FOXR2: variants seen among roughly 807,000 people sequenced by gnomAD.
FOXR2 encodes forkhead box R2, also known as forkhead box protein R2.
For missense variants in FOXR2, 234 were observed against 227.1 expected (o/e 1.03, Z -0.20); for synonymous variants, 109 against 84.1 (o/e 1.30, Z -1.62).
At position 55,624,133 on chromosome X, in the gene FOXR2, T is replaced by C; in HGVS notation, c.422T>C (p.Leu141Ser). 8.3e-7 allele frequency: 1 copy of C among 1,211,771 alleles called. No homozygotes were observed. The highest frequency in any genetic ancestry group is 1.8e-5 in the South Asian group (1 of 56,983). Residue 141 changes from leucine (L) to serine (S), a missense_variant, in exon 1 of 1, where the codon TTA becomes TCA. By Grantham distance (145) the Leu-to-Ser change is moderately radical. Coordinates refer to ENST00000339140, the MANE Select transcript of FOXR2 (RefSeq NM_198451.4). ...LPSSSSEQSPLQKQGIHSPSD... is the reference protein window; with the variant it reads ...LPSSSSEQSPSQKQGIHSPSD... ...TCTTCCTCCAGTGAGCAGTCTCCTT[T>C]ACAGAAGCAGGGTATCCATTCCCCC...
rs1310844508 is a variant in FOXR2, at chrX:55,624,182, G to A, written c.471G>A (p.Glu157=). The A allele has an allele frequency of 1.7e-6, 2 of 1,211,779 alleles. No individual in the cohort carries two copies. The highest frequency in any genetic ancestry group is 3.5e-5 in the South Asian group (2 of 56,960). Residue 157 remains glutamate (E), a synonymous_variant, in exon 1 of 1, where the codon GAG becomes GAA. Coordinates refer to ENST00000339140, the MANE Select transcript of FOXR2 (RefSeq NM_198451.4). The stretch of plus-strand genomic sequence containing the variant: ...CCAGTGACTTTGAGCTCACAGAAGA[G>A]GAGGCTGAGGAACCAGACGACAACT... ...HSPSDFELTE[E]EAEEPDDNSL...
rs1190092584 is a variant in FOXR2 at position 55,624,621 on chromosome X, T to A, written c.910T>A (p.Leu304Met). The A allele has an allele frequency of 5.8e-6, 7 of 1,203,801 alleles. No individual in the cohort carries two copies. The highest frequency in any genetic ancestry group is 5.9e-5 in the East Asian group (2 of 33,634). Residue 304 changes from leucine to methionine, a missense_variant, in exon 1 of 1, where the codon TTG (leucine) becomes ATG (methionine). Physicochemically the swap from Leu to Met is conservative, Grantham distance 15. Transcript: ENST00000339140. ...CCAAGAGTGCATGAGTCAGCCAGAG[T>A]TGTTGACCTCTCTCTTTGATCTTTG... The part of the protein sequence containing the change: ...RIQECMSQPE[L>M]LTSLFDL
In FOXR2 at chrX:55,624,726, T is replaced by G. The variant is rs916893396; in HGVS notation, c.*79T>G. ...CCTGACATTCATTAATCTCTAAACT[T>G]ACCCAGCCTGGTTGGTGCCAAGTCT... On this transcript the variant is annotated 3_prime_UTR_variant, in exon 1 of 1. Coordinates refer to ENST00000339140, the MANE Select transcript of FOXR2 (RefSeq NM_198451.4). 10 of 798,812 alleles carry G rather than the reference T, an allele frequency of 1.3e-5. No homozygotes were observed. In the East Asian group the frequency reaches 3.3e-4, roughly 26 times the overall value. The allele number at this position is 798,812 out of a possible 1,213,427, so 65.8% of individuals were successfully genotyped here. A position where few individuals can be genotyped will look rare whatever the true frequency, so the allele number is the denominator to read the frequency against.
At position 55,623,636 on chromosome X, in the gene FOXR2, C is replaced by A; in HGVS notation, c.-76C>A. 1.3e-6 allele frequency: 1 copy of A among 770,600 alleles called. No individual in the cohort carries two copies. Among genetic ancestry groups the A allele is most frequent in the Non-Finnish European group, 1.9e-6 (1 of 524,392 alleles). 63.5% of individuals were successfully genotyped at this position (770,600 alleles called of 1,213,427 possible). On this transcript the variant is annotated 5_prime_UTR_variant, in exon 1 of 1. Coordinates refer to ENST00000339140, the MANE Select transcript of FOXR2 (RefSeq NM_198451.4). ...AGATACACTGCATAAAAAAATGATGCCCAAAGGACAGCTTTAAGTGCCTGC... is the reference window on the plus strand; with the variant it reads ...AGATACACTGCATAAAAAAATGATGACCAAAGGACAGCTTTAAGTGCCTGC...
In FOXR2 at chrX:55,625,700, T is replaced by C. The variant is rs138893623; in HGVS notation, c.*1053T>C. ...TATTAGGTGTTTGGACTTCATCTTGTGGGTTTTTAGGAGCCAAGAGACATC... is the reference window on the plus strand; with the variant it reads ...TATTAGGTGTTTGGACTTCATCTTGCGGGTTTTTAGGAGCCAAGAGACATC... On this transcript the variant is annotated 3_prime_UTR_variant, in exon 1 of 1. Coordinates refer to ENST00000339140, the MANE Select transcript of FOXR2 (RefSeq NM_198451.4). Among the ~76,000 whole-genome samples the C allele has an allele frequency of 9.0e-6, 1 of 111,142 alleles. No individual in the cohort carries two copies. The highest frequency in any genetic ancestry group is 2.8e-4 in the East Asian group (1 of 3,537).
rs1415962957 is a variant in FOXR2, at chrX:55,625,682, T to C, written c.*1035T>C. On this transcript the variant is annotated 3_prime_UTR_variant, in exon 1 of 1. Transcript: ENST00000339140. ...GAGTGACTAAGAGAAAACTATTAGG[T>C]GTTTGGACTTCATCTTGTGGGTTTT... Among the ~76,000 whole-genome samples, 3 of 111,059 alleles carry C rather than the reference T, an allele frequency of 2.7e-5. No individual in the cohort carries two copies. In the Admixed American group the frequency reaches 2.9e-4, roughly 11 times the overall value.
Position 55,623,889 on chromosome X carries a change from C to T in FOXR2, c.178C>T (p.Pro60Ser). ...CGGAGTAATGAAGCCCCCAGAAATG[C>T]CTCAGAAGAGGAGACCCAGTCCTGA... The part of the protein sequence containing the change: ...RVGVMKPPEM[P>S]QKRRPSPDGD... The change falls in exon 1 of 1, where the codon CCT becomes TCT. Residue 60 changes from proline to serine, a missense_variant. Coordinates refer to ENST00000339140, the MANE Select transcript of FOXR2 (RefSeq NM_198451.4). The T allele has an allele frequency of 8.3e-7, 1 of 1,211,500 alleles. No individual in the cohort carries two copies. The highest frequency in any genetic ancestry group is 1.1e-6 in the Non-Finnish European group (1 of 895,410).
In FOXR2 at chrX:55,624,047, G is replaced by A; in HGVS notation, c.336G>A (p.Gln112=). 8.3e-7 allele frequency: 1 copy of A among 1,211,464 alleles called. No homozygotes were observed. The highest frequency in any genetic ancestry group is 1.1e-6 in the Non-Finnish European group (1 of 895,379). The part of the protein sequence containing the change: ...EDLTNISPFP[Q]PPQKDEGSNC... ...TGACAAACATTTCTCCTTTCCCTCA[G>A]CCCCCACAAAAAGACGAAGGGTCTA... Residue 112 remains glutamine, a synonymous_variant, in exon 1 of 1, where the codon CAG becomes CAA. Coordinates refer to ENST00000339140, the MANE Select transcript of FOXR2 (RefSeq NM_198451.4).
Position 55,624,698 on chromosome X carries a change from T to G in FOXR2, c.*51T>G, listed in dbSNP as rs1278231494. 1 of 950,797 alleles carries G rather than the reference T, an allele frequency of 1.1e-6. No individual in the cohort carries two copies. Among genetic ancestry groups the G allele is most frequent in the East Asian group, 3.1e-5 (1 of 32,231 alleles). 78.4% of individuals were successfully genotyped at this position (950,797 alleles called of 1,213,427 possible). A position where few individuals can be genotyped will look rare whatever the true frequency, so the allele number is the denominator to read the frequency against. On this transcript the variant is annotated 3_prime_UTR_variant, in exon 1 of 1. Coordinates refer to ENST00000339140, the MANE Select transcript of FOXR2 (RefSeq NM_198451.4). ...CTGCCTTCCTTACTGTGCCTACTTA[T>G]CCCCTGACATTCATTAATCTCTAAA...
Position 55,625,908 on chromosome X carries a change from A to G in FOXR2, c.*1261A>G, listed in dbSNP as rs1248132472. 8.9e-6 allele frequency among the ~76,000 whole-genome samples: 1 copy of G among 111,820 alleles called. No individual in the cohort carries two copies. Among genetic ancestry groups the G allele is most frequent in the Non-Finnish European group, 1.9e-5 (1 of 53,172 alleles). ...TATTAACATATATCCAGGAGAAAAT[A>G]GATTTTTAGGTATAAATTTAGTTGC... On this transcript the variant is annotated 3_prime_UTR_variant, in exon 1 of 1. Coordinates refer to ENST00000339140, the MANE Select transcript of FOXR2 (RefSeq NM_198451.4).
chrX:55,624,493 A>T lies in FOXR2; in HGVS notation c.782A>T (p.Asp261Val), dbSNP rs747120288. The T allele has an allele frequency of 5.8e-6, 7 of 1,210,548 alleles. No homozygotes were observed. The Admixed American group carries it at 1.5e-4, about 26-fold the overall frequency. ...GTGCCAGACAGCCTTAAGGATGAAG[A>T]TAATGCAAGACCTCGCTCTTGCCTT... Reference protein sequence around the residue: ...EKVPDSLKDEDNARPRSCLWK... With the variant: ...EKVPDSLKDEVNARPRSCLWK... Residue 261 changes from aspartate to valine, a missense_variant, in exon 1 of 1, where the codon GAT (aspartate) becomes GTT (valine). Coordinates refer to ENST00000339140, the MANE Select transcript of FOXR2 (RefSeq NM_198451.4).
Position 55,624,305 on chromosome X carries a change from C to T in FOXR2, c.594C>T (p.Ser198=). 8.3e-7 allele frequency: 1 copy of T among 1,212,016 alleles called. No individual in the cohort carries two copies. Among genetic ancestry groups the T allele is most frequent in the Non-Finnish European group, 1.1e-6 (1 of 895,461 alleles). ...KSWQRPPLNC[S]HLIALALRNN... Reference sequence around the variant, plus strand: ...GGCAAAGGCCCCCTCTCAATTGTAGCCACCTTATTGCCCTAGCATTAAGAA... The same window carrying T: ...GGCAAAGGCCCCCTCTCAATTGTAGTCACCTTATTGCCCTAGCATTAAGAA... The change falls in exon 1 of 1, where the codon AGC becomes AGT. Residue 198 remains serine (S), a synonymous_variant. Coordinates refer to ENST00000339140, the MANE Select transcript of FOXR2 (RefSeq NM_198451.4).
In FOXR2 at chrX:55,624,619, AGTT is replaced by A. The variant is rs764641655; in HGVS notation, c.913_915del (p.Leu305del). On this transcript the variant is annotated inframe_deletion, in exon 1 of 1. Coordinates refer to ENST00000339140, the MANE Select transcript of FOXR2 (RefSeq NM_198451.4). Reference sequence around the variant, plus strand: ...ATCCAAGAGTGCATGAGTCAGCCAGAGTTGTTGACCTCTCTCTTTGATCTTTGA... The same window carrying A: ...ATCCAAGAGTGCATGAGTCAGCCAGAGTTGACCTCTCTCTTTGATCTTTGA... The A allele has an allele frequency of 8.3e-7, 1 of 1,205,709 alleles. No individual in the cohort carries two copies. The highest frequency in any genetic ancestry group is 1.7e-5 in the African/African-American group (1 of 57,455).
Position 55,624,360 on chromosome X carries a change from G to C in FOXR2, c.649G>C (p.Glu217Gln), listed in dbSNP as rs773254836. The C allele has an allele frequency of 1.7e-6, 2 of 1,210,691 alleles. No homozygotes were observed. Among genetic ancestry groups the C allele is most frequent in the African/African-American group, 3.5e-5 (2 of 57,401 alleles). The change falls in exon 1 of 1, where the codon GAG becomes CAG. Residue 217 changes from glutamate (E) to glutamine (Q), a missense_variant. Coordinates refer to ENST00000339140, the MANE Select transcript of FOXR2 (RefSeq NM_198451.4). ...CCCCCACTGTGGCCTCAGTGTGCAG[G>C]AGATCTACAATTTCACCCGACAGCA... ...NNPHCGLSVQEIYNFTRQHFP... is the reference protein window; with the variant it reads ...NNPHCGLSVQQIYNFTRQHFP...
At position 55,624,702 on chromosome X, in the gene FOXR2, C is replaced by G; in HGVS notation, c.*55C>G. The stretch of plus-strand genomic sequence containing the variant: ...CTTCCTTACTGTGCCTACTTATCCC[C>G]TGACATTCATTAATCTCTAAACTTA... On this transcript the variant is annotated 3_prime_UTR_variant, in exon 1 of 1. Coordinates refer to ENST00000339140, the MANE Select transcript of FOXR2 (RefSeq NM_198451.4). 1 of 944,413 alleles carries G rather than the reference C, an allele frequency of 1.1e-6. No individual in the cohort carries two copies. The highest frequency in any genetic ancestry group is 1.5e-6 in the Non-Finnish European group (1 of 674,015). 77.8% of individuals were successfully genotyped at this position (944,413 alleles called of 1,213,427 possible). A position where few individuals can be genotyped will look rare whatever the true frequency, so the allele number is the denominator to read the frequency against.
rs1374952431 is a variant in FOXR2 at position 55,625,388 on chromosome X, AG to A, written c.*743del. The stretch of plus-strand genomic sequence containing the variant: ...GTGTCAAGGTCCATCTTAGATGCTG[AG>A]GATAAAAAGCTGAGGGATACTAGTG... On this transcript the variant is annotated 3_prime_UTR_variant, in exon 1 of 1. Transcript: ENST00000339140. 3 of 117,145 alleles carry A rather than the reference AG, an allele frequency of 2.6e-5. No homozygotes were observed. The highest frequency in any genetic ancestry group is 9.7e-5 in the African/African-American group (3 of 30,885). The allele number at this position is 117,145 out of a possible 1,213,427, so 9.7% of individuals were successfully genotyped here.
In FOXR2 at chrX:55,624,049, C is replaced by T. The variant is rs2032318201; in HGVS notation, c.338C>T (p.Pro113Leu). 4 of 1,209,845 alleles carry T rather than the reference C, an allele frequency of 3.3e-6. No individual in the cohort carries two copies. The highest frequency in any genetic ancestry group is 4.4e-5 in the Admixed American group (2 of 45,676). Reference sequence around the variant, plus strand: ...ACAAACATTTCTCCTTTCCCTCAGCCCCCACAAAAAGACGAAGGGTCTAAC... The same window carrying T: ...ACAAACATTTCTCCTTTCCCTCAGCTCCCACAAAAAGACGAAGGGTCTAAC... ...DLTNISPFPQ[P>L]PQKDEGSNCS... Residue 113 changes from proline to leucine, a missense_variant, in exon 1 of 1, where the codon CCC becomes CTC. By Grantham distance (98) the Pro-to-Leu change is moderately conservative (BLOSUM62 -3). Transcript: ENST00000339140.
Position 55,624,179 on chromosome X carries a change from A to G in FOXR2, c.468A>G (p.Glu156=). 1 of 1,211,906 alleles carries G rather than the reference A, an allele frequency of 8.3e-7. No individual in the cohort carries two copies. The highest frequency in any genetic ancestry group is 1.1e-6 in the Non-Finnish European group (1 of 895,495). ...CCCCCAGTGACTTTGAGCTCACAGA[A>G]GAGGAGGCTGAGGAACCAGACGACA... ...IHSPSDFELT[E]EEAEEPDDNS... The change falls in exon 1 of 1, where the codon GAA becomes GAG. Residue 156 remains glutamate (E), a synonymous_variant. Transcript: ENST00000339140.
chrX:55,624,624 T>C lies in FOXR2; in HGVS notation c.913T>C (p.Leu305=), dbSNP rs1472245903. 7 of 1,205,057 alleles carry C rather than the reference T, an allele frequency of 5.8e-6. No individual in the cohort carries two copies. Among genetic ancestry groups the C allele is most frequent in the Non-Finnish European group, 7.9e-6 (7 of 890,011 alleles). ...AGAGTGCATGAGTCAGCCAGAGTTG[T>C]TGACCTCTCTCTTTGATCTTTGAAA... ...IQECMSQPEL[L]TSLFDL Residue 305 remains leucine, a synonymous_variant, in exon 1 of 1, where the codon TTG becomes CTG. Coordinates refer to ENST00000339140, the MANE Select transcript of FOXR2 (RefSeq NM_198451.4).
Sources: allele counts gnomAD v4.1 joint callset (sites outside exome capture counted in the v4.1 genomes callset), GRCh38; gene constraint gnomAD v4.1.1; transcripts MANE v1.5; gene names NCBI Gene and HGNC (gene_info 2026-07-23, HGNC 2026-07-21).